NCKAP5: variants seen among roughly 807,000 people sequenced by gnomAD.
The protein encoded by NCKAP5 is nck-associated protein 5.
In NCKAP5, 92 loss-of-function variants were observed where a neutral mutation model predicts 167.0. That is an observed-to-expected ratio of 0.55 (90% CI 0.47 to 0.66). The LOEUF is 0.66. NCKAP5 is among the 30% of genes least tolerant of loss of function. NCKAP5 has a pLI of 0.00. For synonymous variants in NCKAP5, 891 were observed against 877.4 expected, an observed-to-expected ratio of 1.02 and a Z score of -0.27; for missense variants, 2,378 against 2,315.0, an observed-to-expected ratio of 1.03 and a Z score of -0.56.
chr2:133,474,745 C>T (rs1338434611), intron 3 of NCKAP5, among the ~76,000 whole-genome samples: 1 of 151,750 alleles, frequency 6.6e-6, no homozygotes, highest in Non-Finnish European at 1.5e-5. Context: ...ACTAATTATC[C>T]TCTGAGAATA....
intron 6 of NCKAP5, among the ~76,000 whole-genome samples, chr2:133,106,292 CAAA>C (rs10612612): frequency 0.13 from 9,992 of 75,720 alleles, 514 homozygotes; most frequent in East Asian, 0.36. Flanking sequence ...GACTCCGTCT[CAAA>C]AAAAAAAAAA....
At chr2:133,502,437 G>GA (rs1201332434) in intron 3 of NCKAP5, among the ~76,000 whole-genome samples, 2 of 152,170 alleles carry the variant, frequency 1.3e-5, no homozygotes, top group African/African-American at 4.8e-5. Context: ...GGTGGTGTTT[G>GA]ATGACTTTTC....
chr2:133,435,354 T>C (rs145693498), intron 3 of NCKAP5, among the ~76,000 whole-genome samples: 23 of 152,360 alleles, frequency 1.5e-4, no homozygotes, highest in African/African-American at 5.5e-4. Flanking sequence ...TTAGTAGTCA[T>C]ATCACTCACC....
intron 6 of NCKAP5, among the ~76,000 whole-genome samples, chr2:133,107,913 C>T (rs929512215): frequency 1.3e-5 from 2 of 152,292 alleles, no homozygotes; most frequent in Middle Eastern, 6.8e-3. Context: ...GATTTAACCA[C>T]TCTTGTCATT....
Position 132,851,939 on chromosome 2 carries a change from T to G in NCKAP5, c.807+8553A>C, listed in dbSNP as rs551706198. On this transcript the variant is annotated intron_variant, in intron 11 of 19. Transcript: ENST00000409261. The stretch of plus-strand genomic sequence containing the variant: ...TGTCAGAGTTTAGGTTACTTAATCT[T>G]TTCGTGCCGGGAATAAGATTTCCCT... Among the ~76,000 whole-genome samples, 34 of 152,268 alleles carry G rather than the reference T, an allele frequency of 2.2e-4. 1 individual carries two copies. The highest frequency in any genetic ancestry group is 7.7e-4 in the African/African-American group (32 of 41,554).
At chr2:133,440,709 CAAAAA>C (rs1174654151) in intron 3 of NCKAP5, among the ~76,000 whole-genome samples, 8 of 32,662 alleles carry the variant, frequency 2.4e-4, no homozygotes, top group African/African-American at 3.0e-4. Flanking sequence ...GACTCTGTCT[CAAAAA>C]AAAAAAAAAA....
At chr2:133,086,393 T>A (rs1306903227) in intron 6 of NCKAP5, among the ~76,000 whole-genome samples, 1 of 152,118 alleles carries the variant, frequency 6.6e-6, no homozygotes, top group Non-Finnish European at 1.5e-5. Flanking sequence ...ATCTCCGCAC[T>A]ATGGGAGAAC....
At chr2:133,092,208 TCC>T in intron 6 of NCKAP5, among the ~76,000 whole-genome samples, 1 of 152,250 alleles carries the variant, frequency 6.6e-6, no homozygotes, top group South Asian at 2.1e-4. Flanking sequence ...GGACCTGAAA[TCC>T]AATGGCTGAA....
Position 132,796,615 on chromosome 2 carries a change from C to A in NCKAP5, c.909+13G>T. The A allele has an allele frequency of 5.0e-6, 8 of 1,594,886 alleles. No homozygotes were observed. Among genetic ancestry groups the A allele is most frequent in the Non-Finnish European group, 6.9e-6 (8 of 1,165,664 alleles). Reference sequence around the variant, plus strand: ...ACCAAAACAAGTGTTCTGAAGGCAACTGGGAAACTCACGTGCACCTCAGCA... The same window carrying A: ...ACCAAAACAAGTGTTCTGAAGGCAAATGGGAAACTCACGTGCACCTCAGCA... On this transcript the variant is annotated intron_variant, in intron 12 of 19. Transcript: ENST00000409261.
chr2:133,523,690 T>C (rs921877757), intron 2 of NCKAP5, among the ~76,000 whole-genome samples: 2 of 152,178 alleles, frequency 1.3e-5, no homozygotes. Flanking sequence ...ATGCAAAATA[T>C]AATTTTTTGC....
intron 5 of NCKAP5, among the ~76,000 whole-genome samples, chr2:133,137,841 G>A (rs568220487): frequency 6.6e-6 from 1 of 152,280 alleles, no homozygotes; most frequent in East Asian, 1.9e-4. Flanking sequence ...CGCGCAGAGG[G>A]GTGCCTCCTT....
intron 6 of NCKAP5, among the ~76,000 whole-genome samples, chr2:133,128,659 G>T (rs923116603): frequency 4.6e-5 from 7 of 151,596 alleles, no homozygotes; most frequent in African/African-American, 1.7e-4. Flanking sequence ...GTGCAGTGGC[G>T]CAATCTCGGC....
chr2:133,127,789 G>A (rs930453596), intron 6 of NCKAP5, among the ~76,000 whole-genome samples: 4 of 152,126 alleles, frequency 2.6e-5, no homozygotes, highest in Admixed American at 1.3e-4. Flanking sequence ...ATTATTTTAA[G>A]TTGGTTAGGA....
At chr2:133,542,071 A>G (rs148175001) in intron 2 of NCKAP5, among the ~76,000 whole-genome samples, 2 of 152,162 alleles carry the variant, frequency 1.3e-5, no homozygotes, top group Non-Finnish European at 2.9e-5. Context: ...ATATGCCTGC[A>G]TCCCAGTTGT....
rs72994897 is a variant in NCKAP5 at position 132,990,284 on chromosome 2, G to A, written c.429+3868C>T. ...AAGCTTATATTTTGGCTTCTATTAC[G>A]TTGTTGAATATATATGATTATCTAC... On this transcript the variant is annotated intron_variant, in intron 7 of 19. Coordinates refer to ENST00000409261, the MANE Select transcript of NCKAP5 (RefSeq NM_207363.3). 8.4e-3 allele frequency among the ~76,000 whole-genome samples: 1,286 copies of A among 152,238 alleles called. 18 individuals are homozygous for A. The highest frequency in any genetic ancestry group is 0.03 in the African/African-American group (1,231 of 41,526).
At chr2:132,698,384 A>T (rs1452824749) in intron 19 of NCKAP5, among the ~76,000 whole-genome samples, 1 of 152,236 alleles carries the variant, frequency 6.6e-6, no homozygotes, top group East Asian at 1.9e-4. Flanking sequence ...TGGGCAGACC[A>T]GAGAGTGAAC....
Position 133,477,918 on chromosome 2 carries a change from C to A in NCKAP5, c.69+39540G>T, listed in dbSNP as rs184447655. Among the ~76,000 whole-genome samples, 263 of 152,284 alleles carry A rather than the reference C, an allele frequency of 1.7e-3. 1 individual carries two copies. Among genetic ancestry groups the A allele is most frequent in the Non-Finnish European group, 2.8e-3 (189 of 68,022 alleles). ...TTTAAAACCTATGAATTATTTATTT[C>A]TGGATTTTCCCTTTACTATTTTCAG... On this transcript the variant is annotated intron_variant, in intron 3 of 19. Transcript: ENST00000409261.
intron 5 of NCKAP5, among the ~76,000 whole-genome samples, chr2:133,165,526 C>T (rs540135502): frequency 4.6e-5 from 7 of 152,158 alleles, no homozygotes; most frequent in South Asian, 2.1e-4. Flanking sequence ...GCTACAGTTG[C>T]GTGTGTCAAG....
At chr2:133,638,389 G>A in the NCKAP5 span, among the ~76,000 whole-genome samples, 5 of 152,208 alleles carry the variant, frequency 3.3e-5, no homozygotes, top group South Asian at 2.1e-4. Context: ...AATTAAGCAC[G>A]CATATAAAAA....
Sources: gnomAD v4.1 joint callset for allele counts (sites outside exome capture counted in the v4.1 genomes callset) on GRCh38, gnomAD v4.1.1 for gene constraint, MANE v1.5 for transcripts, NCBI Gene and HGNC (gene_info 2026-07-23, HGNC 2026-07-21) for gene names.